Variants in ELAVL1 observed in about 807,000 individuals in gnomAD.
The protein encoded by ELAVL1 is ELAV like RNA binding protein 1, also known as ELAV-like protein 1.
In ELAVL1, 1 loss-of-function variant was observed where a neutral mutation model predicts 28.4. The ratio of observed to expected loss-of-function variants is 0.04; its 90% CI spans 0.01 to 0.17. The LOEUF (loss-of-function observed/expected upper bound fraction) is 0.17, where lower values mean the gene tolerates loss of function less well. Among genes scored for constraint, ELAVL1 ranks in the 10% least tolerant of loss-of-function variants. ELAVL1 has a pLI of 1.00. For missense variants in ELAVL1, 157 were observed against 447.2 expected, an observed-to-expected ratio of 0.35 and a Z score of 5.85; for synonymous variants, 174 against 183.5, an observed-to-expected ratio of 0.95 and a Z score of 0.42.
chr19:7,993,281 G>C (rs1985799408), intron 1 of ELAVL1, among the ~76,000 whole-genome samples: 1 of 152,114 alleles, frequency 6.6e-6, no homozygotes. Flanking sequence ...AAAGCCTTTG[G>C]GTTGTCTCTC....
At chr19:7,986,307 T>G (rs978164042) in intron 2 of ELAVL1, among the ~76,000 whole-genome samples, 2 of 151,768 alleles carry the variant, frequency 1.3e-5, no homozygotes, top group African/African-American at 4.8e-5. Flanking sequence ...AGACTGGAGG[T>G]GGAGACTGAA....
chr19:7,992,355 G>T (rs1224019585), intron 1 of ELAVL1, among the ~76,000 whole-genome samples: 2 of 152,148 alleles, frequency 1.3e-5, no homozygotes, highest in African/African-American at 4.8e-5. Flanking sequence ...AAGCAACCAG[G>T]ATCTCCTCCA....
At chr19:7,996,326 C>T (rs553835747) in intron 1 of ELAVL1, among the ~76,000 whole-genome samples, 398 of 151,994 alleles carry the variant, frequency 2.6e-3, no homozygotes, top group Non-Finnish European at 4.2e-3. Flanking sequence ...GGACTACAGG[C>T]GCCCGCCACC....
intron 2 of ELAVL1, among the ~76,000 whole-genome samples, chr19:7,989,720 T>A (rs984871093): frequency 2.0e-5 from 3 of 152,238 alleles, no homozygotes. Context: ...AGAGAGATGC[T>A]GGCTTCTAGA....
intron 2 of ELAVL1, 120 bp downstream of exon 2, chr19:7,991,524 A>G: frequency 1.0e-6 from 1 of 987,688 alleles, no homozygotes; most frequent in Non-Finnish European, 1.5e-6. Context: ...CTTCACAGCC[A>G]TCGTTTCAAG....
chr19:7,967,164 T>C (rs1002594753), intron 5 of ELAVL1, among the ~76,000 whole-genome samples: 1 of 152,070 alleles, frequency 6.6e-6, no homozygotes, highest in Non-Finnish European at 1.5e-5. Context: ...GCTTCCTGAG[T>C]TGCTGCAACT....
chr19:7,973,670 A>C (rs1243238087), intron 4 of ELAVL1, 55 bp downstream of exon 4: 2 of 1,574,892 alleles, frequency 1.3e-6, no homozygotes, highest in African/African-American at 2.7e-5. Flanking sequence ...TCCCTAGAAA[A>C]CCCAGCCCCC....
chr19:7,968,145 CCA>C (rs1446628016), intron 4 of ELAVL1, among the ~76,000 whole-genome samples: 1 of 152,210 alleles, frequency 6.6e-6, no homozygotes, highest in Non-Finnish European at 1.5e-5. Flanking sequence ...CAGGTGTCCG[CCA>C]CAGAGTGGGT....
chr19:7,960,828 TAAG>T lies in ELAVL1; in HGVS notation c.*2652_*2654del, dbSNP rs1984786113. On this transcript the variant is annotated 3_prime_UTR_variant, in exon 6 of 6. Transcript: ENST00000407627. ...GGTTTCTTTTGGGTTGAGCCTTTTT[TAAG>T]AAAAGGGATCTCCCCTTTGCAAACA... 2 of 152,336 alleles carry T rather than the reference TAAG, an allele frequency of 1.3e-5. No individual in the cohort carries two copies. Among genetic ancestry groups the T allele is most frequent in the African/African-American group, 4.8e-5 (2 of 41,466 alleles). The allele number at this position is 152,336 out of a possible 1,614,324, so 9.4% of individuals were successfully genotyped here.
chr19:7,981,296 G>T lies in ELAVL1; in HGVS notation c.173-110C>A. ...GCCTTTGGGAAATGGGATTACAGGT[G>T]CTAGCAAACTTTATTTTCTTTGGCA... On this transcript the variant is annotated intron_variant, in intron 2 of 5. Transcript: ENST00000407627. This position sits in a 1 kb window ranked among gnomAD's most constrained non-coding sequence, Gnocchi z 4.2. 1 of 933,928 alleles carries T rather than the reference G, an allele frequency of 1.1e-6. No individual in the cohort carries two copies. The highest frequency in any genetic ancestry group is 1.7e-6 in the Non-Finnish European group (1 of 583,090). The allele number at this position is 933,928 out of a possible 1,614,324, so 57.9% of individuals were successfully genotyped here.
At chr19:8,004,865 T>C (rs2081081512) in intron 1 of ELAVL1, among the ~76,000 whole-genome samples, 1 of 152,210 alleles carries the variant, frequency 6.6e-6, no homozygotes, top group Non-Finnish European at 1.5e-5. Flanking sequence ...TGTTCAACTG[T>C]GTGCAGCTTG....
At position 7,960,591 on chromosome 19, in the gene ELAVL1, G is replaced by A. The variant is rs997112236; in HGVS notation, c.*2892C>T. 8.5e-5 allele frequency: 13 copies of A among 152,726 alleles called. No homozygotes were observed. Among genetic ancestry groups the A allele is most frequent in the African/African-American group, 1.9e-4 (8 of 41,556 alleles). 9.5% of individuals were successfully genotyped at this position (152,726 alleles called of 1,614,324 possible). On this transcript the variant is annotated 3_prime_UTR_variant, in exon 6 of 6. Transcript: ENST00000407627. The stretch of plus-strand genomic sequence containing the variant: ...CATCAGGAAGCAGGTTCACAAATTC[G>A]GAGCTGCCTGGGGTCTAACTACCAG...
intron 2 of ELAVL1, among the ~76,000 whole-genome samples, chr19:7,989,843 G>A (rs576906521): frequency 2.3e-4 from 35 of 152,332 alleles, no homozygotes; most frequent in South Asian, 4.1e-4. Context: ...TTCAGTGCCT[G>A]CATCTGAAGA....
In ELAVL1 at chr19:7,962,308, A is replaced by G. The variant is rs1164481140; in HGVS notation, c.*1175T>C. 1.3e-5 allele frequency: 2 copies of G among 153,780 alleles called. No homozygotes were observed. Among genetic ancestry groups the G allele is most frequent in the Non-Finnish European group, 2.9e-5 (2 of 68,052 alleles). The allele number at this position is 153,780 out of a possible 1,614,324, so 9.5% of individuals were successfully genotyped here. On this transcript the variant is annotated 3_prime_UTR_variant, in exon 6 of 6. Coordinates refer to ENST00000407627, the MANE Select transcript of ELAVL1 (RefSeq NM_001419.3). ...ACAAAATCAAATTTAATGGTCTTAA[A>G]TGCAAAAGTAAAAACAAACAAAAAA...
At chr19:7,978,846 T>G (rs1242052176) in intron 3 of ELAVL1, among the ~76,000 whole-genome samples, 1 of 152,124 alleles carries the variant, frequency 6.6e-6, no homozygotes, top group Non-Finnish European at 1.5e-5. Context: ...GTGACTGGTG[T>G]CAGAATAGAA....
At chr19:7,992,926 C>A (rs1985789560) in intron 1 of ELAVL1, among the ~76,000 whole-genome samples, 1 of 152,190 alleles carries the variant, frequency 6.6e-6, no homozygotes, top group African/African-American at 2.4e-5. Flanking sequence ...CAGGCATGTG[C>A]CACCACGCCC....
At chr19:8,004,734 T>A (rs778194780) in intron 1 of ELAVL1, among the ~76,000 whole-genome samples, 2 of 152,148 alleles carry the variant, frequency 1.3e-5, no homozygotes, top group Non-Finnish European at 1.5e-5. Context: ...GGGAAGCCCA[T>A]GCAGAAGTTG....
chr19:7,965,048 C>A (rs1053730033), intron 5 of ELAVL1, among the ~76,000 whole-genome samples: 1 of 152,216 alleles, frequency 6.6e-6, no homozygotes, highest in Non-Finnish European at 1.5e-5. Flanking sequence ...TCGACAGACA[C>A]GAGAGGACAC....
At chr19:7,969,986 T>A (rs191705084) in intron 4 of ELAVL1, among the ~76,000 whole-genome samples, 1 of 152,258 alleles carries the variant, frequency 6.6e-6, no homozygotes, top group East Asian at 1.9e-4. Context: ...TTTAATTTTT[T>A]TTTTAAGATG....
Sources: allele counts gnomAD v4.1 joint callset (sites outside exome capture counted in the v4.1 genomes callset), GRCh38; gene constraint gnomAD v4.1.1; non-coding constraint Gnocchi (gnomAD v3.1); transcripts MANE v1.5; gene names NCBI Gene and HGNC (gene_info 2026-07-23, HGNC 2026-07-21).